The following KIF24 variants were observed in gnomAD, a reference collection of about 807,000 sequenced individuals.
KIF24 encodes the protein kinesin family member 24.
Under a neutral mutation model 118.9 loss-of-function variants are expected in KIF24, and 81 were observed. That is an observed-to-expected ratio of 0.68 (90% CI 0.57 to 0.82). KIF24 has a LOEUF of 0.82. Ranked by LOEUF, KIF24 falls within the 40% of genes least tolerant of loss-of-function variation. The probability of loss-of-function intolerance (pLI) is 0.00; values close to 1 mark genes in which losing one functional copy is unlikely to be tolerated. For missense variants in KIF24, 1,560 were observed against 1,661.6 expected (o/e 0.94, Z 1.06); for synonymous variants, 599 against 610.0 (o/e 0.98, Z 0.27).
At position 34,256,838 on chromosome 9, in the gene KIF24, G is replaced by A. The variant is rs1834866727; in HGVS notation, c.2769C>T (p.Asn923=). 1.9e-6 allele frequency: 3 copies of A among 1,613,992 alleles called. No homozygotes were observed. Among genetic ancestry groups the A allele is most frequent in the South Asian group, 2.2e-5 (2 of 91,086 alleles). ...TGGGAGAAGGCCCTGAGGAAGTAGA[G>A]TTCTCTCTGCTCCAGTCCACGGGCC... ...SKGPVDWSRE[N]STSSGPSPRD... Residue 923 remains asparagine, a synonymous_variant, in exon 11 of 13, where the codon AAC becomes AAT. Transcript: ENST00000402558.
Position 34,311,312 on chromosome 9 carries a change from G to T in KIF24, c.35C>A (p.Ala12Asp). The T allele has an allele frequency of 6.3e-7, 1 of 1,587,682 alleles. No individual in the cohort carries two copies. Reference sequence around the variant, plus strand: ...ATGAGAATAATACTGTGCAAGTTCAGCTTCACAAAGACATTCATATAACCA... The same window carrying T: ...ATGAGAATAATACTGTGCAAGTTCATCTTCACAAAGACATTCATATAACCA... ...ASWLYECLCEAELAQYYSHFT... is the reference protein window; with the variant it reads ...ASWLYECLCEDELAQYYSHFT... Residue 12 changes from alanine (A) to aspartate (D), a missense_variant, in exon 2 of 13, where the codon GCT becomes GAT. This residue lies in a region of KIF24 where 964 missense variants were observed against 988.0 expected (regional missense o/e 0.98). Coordinates refer to ENST00000402558, the MANE Select transcript of KIF24 (RefSeq NM_194313.4).
At chr9:34,317,589 A>G (rs1837369186) in intron 1 of KIF24, among the ~76,000 whole-genome samples, 1 of 152,182 alleles carries the variant, frequency 6.6e-6, no homozygotes, top group African/African-American at 2.4e-5. Context: ...GAGTAGCACG[A>G]TTAAAATCTC....
intron 6 of KIF24, among the ~76,000 whole-genome samples, chr9:34,285,920 C>T (rs1836031350): frequency 7.2e-6 from 1 of 138,272 alleles, no homozygotes; most frequent in African/African-American, 2.6e-5. Context: ...CAGAGCAAGA[C>T]CCTGTTGCTT....
At chr9:34,302,520 C>T (rs1348931440) in intron 3 of KIF24, among the ~76,000 whole-genome samples, 1 of 151,180 alleles carries the variant, frequency 6.6e-6, no homozygotes, top group African/African-American at 2.4e-5. Flanking sequence ...GGCTGGAGTG[C>T]AGTGGCGCAA....
At chr9:34,331,629 T>C (rs759312787), upstream of KIF24, among the ~76,000 whole-genome samples, 4 of 152,160 alleles carry the variant, frequency 2.6e-5, no homozygotes, top group Non-Finnish European at 4.4e-5. Flanking sequence ...CTTGCTCTAA[T>C]AGAAAATTTT....
rs1587943137 is a variant in KIF24 at position 34,290,323 on chromosome 9, A to G, written c.978T>C (p.Thr326=). Residue 326 remains threonine, a synonymous_variant, in exon 5 of 13, where the codon ACT becomes ACC. Coordinates refer to ENST00000402558, the MANE Select transcript of KIF24 (RefSeq NM_194313.4). ...GAGKTYTMIG[T]HENPGLYALA... ...GAGCATACAATCCTGGGTTCTCATGAGTTCCTATCATGGTGTAGGTCTTTC... is the reference window on the plus strand; with the variant it reads ...GAGCATACAATCCTGGGTTCTCATGGGTTCCTATCATGGTGTAGGTCTTTC... 6.2e-7 allele frequency: 1 copy of G among 1,613,958 alleles called. No homozygotes were observed. The highest frequency in any genetic ancestry group is 8.5e-7 in the Non-Finnish European group (1 of 1,179,856).
intron 10 of KIF24, among the ~76,000 whole-genome samples, chr9:34,258,834 C>A (rs1033423007): frequency 1.3e-5 from 2 of 152,214 alleles, no homozygotes; most frequent in Admixed American, 6.5e-5. Context: ...AATGACTTGT[C>A]TATTCCCAGG....
In KIF24 at chr9:34,318,421, C is replaced by T. The variant is rs1306945638; in HGVS notation, c.-25-7050G>A. 2 of 698,260 alleles carry T rather than the reference C, an allele frequency of 2.9e-6. No homozygotes were observed. Among genetic ancestry groups the T allele is most frequent in the African/African-American group, 1.7e-5 (1 of 57,524 alleles). 43.3% of individuals were successfully genotyped at this position (698,260 alleles called of 1,614,324 possible). A position where few individuals can be genotyped will look rare whatever the true frequency, so the allele number is the denominator to read the frequency against. On this transcript the variant is annotated intron_variant, in intron 1 of 12. Coordinates refer to ENST00000402558, the MANE Select transcript of KIF24 (RefSeq NM_194313.4). This position sits in a 1 kb window ranked among gnomAD's most constrained non-coding sequence, Gnocchi z 4.9. ...TCCCAGCCACGCGCTCCCTCCTGCT[C>T]CTCAGCGCCTTCTGCCTCCTGGCGG... is the stretch of plus-strand genomic sequence containing the variant.
intron 6 of KIF24, among the ~76,000 whole-genome samples, chr9:34,283,803 C>T (rs946149835): frequency 6.6e-6 from 1 of 152,154 alleles, no homozygotes; most frequent in Admixed American, 6.5e-5. Flanking sequence ...CAATTTTATT[C>T]TCAATCAGGG....
In KIF24 at chr9:34,290,693, G is replaced by A. The variant is rs181351301; in HGVS notation, c.912-304C>T. ...CCACTCACTGCAACCTCTGTCTCCC[G>A]GGTTCAAGTGATTCTCCTGCCTCAG... On this transcript the variant is annotated intron_variant, in intron 4 of 12. Coordinates refer to ENST00000402558, the MANE Select transcript of KIF24 (RefSeq NM_194313.4). Among the ~76,000 whole-genome samples the A allele has an allele frequency of 2.6e-5, 4 of 151,386 alleles. No individual in the cohort carries two copies. In the East Asian group the frequency reaches 7.8e-4, roughly 29 times the overall value.
chr9:34,330,549 A>G (rs955141388), upstream of KIF24, among the ~76,000 whole-genome samples: 1 of 152,272 alleles, frequency 6.6e-6, no homozygotes, highest in Non-Finnish European at 1.5e-5. Flanking sequence ...TCTGAGCTAT[A>G]GTTCCCTTTC....
intron 6 of KIF24, among the ~76,000 whole-genome samples, chr9:34,276,276 C>T (rs1835656616): frequency 6.6e-6 from 1 of 151,896 alleles, no homozygotes; most frequent in East Asian, 1.9e-4. Flanking sequence ...GTGGTGCGCA[C>T]CTGTAATCCC....
chr9:34,255,010 C>T (rs1458670547), intron 12 of KIF24, 62 bp downstream of exon 12: 1 of 1,121,476 alleles, frequency 8.9e-7, no homozygotes, highest in Non-Finnish European at 1.3e-6. Flanking sequence ...ACAAGGATGA[C>T]CATCAAATTA....
chr9:34,296,293 G>A (rs1337628737), intron 4 of KIF24, among the ~76,000 whole-genome samples: 10 of 149,502 alleles, frequency 6.7e-5, no homozygotes, highest in Admixed American at 6.7e-5. Context: ...TTGGGAGGCC[G>A]AGGCGGGCGG....
intron 1 of KIF24, 50 bp from the exon 2 acceptor site, chr9:34,311,421 C>A (rs1207072293): frequency 2.2e-6 from 2 of 926,124 alleles, no homozygotes; most frequent in Non-Finnish European, 3.0e-6. Flanking sequence ...ACATGTAATA[C>A]AATTATTTAT....
Position 34,259,467 on chromosome 9 carries a change from T to C in KIF24, c.1625+129A>G, listed in dbSNP as rs143814854. ...GCGCTCAAGGTCAGATCCCTATGTG[T>C]GTGTGAGTGGGAGAGACATGTGCAT... On this transcript the variant is annotated intron_variant, in intron 10 of 12. Coordinates refer to ENST00000402558, the MANE Select transcript of KIF24 (RefSeq NM_194313.4). 79 of 694,504 alleles carry C rather than the reference T, an allele frequency of 1.1e-4. 1 individual carries two copies. In the East Asian group the frequency reaches 2.1e-3, roughly 18 times the overall value. The allele number at this position is 694,504 out of a possible 1,614,324, so 43.0% of individuals were successfully genotyped here.
rs1211111870 is a variant in KIF24, at chr9:34,257,564, A to C, written c.2043T>G (p.Leu681=). The C allele has an allele frequency of 1.9e-6, 3 of 1,613,940 alleles. No individual in the cohort carries two copies. ...GGCCTGAGGCCCTGCTTTCCCACCC[A>C]AGGACAGTTTTGTTGCCCATTCGAT... is the stretch of plus-strand genomic sequence containing the variant. The part of the protein sequence containing the change: ...EKNRMGNKTV[L]GWESRASGPG... The change falls in exon 11 of 13, where the codon CTT becomes CTG. Residue 681 remains leucine, a synonymous_variant. Transcript: ENST00000402558.
intron 12 of KIF24, 143 bp downstream of exon 12, chr9:34,254,929 G>A: frequency 1.6e-6 from 1 of 622,256 alleles, no homozygotes; most frequent in Non-Finnish European, 2.9e-6. Flanking sequence ...GGCGTGGCAA[G>A]AGGAGGTGTG....
In KIF24 at chr9:34,279,523, G is replaced by A. The variant is rs912779535; in HGVS notation, c.1215+7094C>T. Among the ~76,000 whole-genome samples the A allele has an allele frequency of 1.3e-5, 2 of 152,256 alleles. 1 individual carries two copies. The highest frequency in any genetic ancestry group is 3.8e-4 in the East Asian group (2 of 5,200). On this transcript the variant is annotated intron_variant, in intron 6 of 12. Transcript: ENST00000402558. ...TCTGGGAAATGTGATGAGGCAGTGA[G>A]TCCTCTGTAAAGGCAGGAAGTTCTG...
Sources: gnomAD v4.1 joint callset for allele counts (sites outside exome capture counted in the v4.1 genomes callset) on GRCh38, gnomAD v4.1.1 for gene constraint, gnomAD v4.1.1 regional missense constraint, Gnocchi (gnomAD v3.1) non-coding constraint, MANE v1.5 for transcripts, NCBI Gene and HGNC (gene_info 2026-07-23, HGNC 2026-07-21) for gene names.